The following CRYM variants were observed in gnomAD, a reference collection of about 807,000 sequenced individuals.
The protein encoded by CRYM is ketimine reductase mu-crystallin.
A neutral mutation model predicts 32.9 loss-of-function variants in CRYM; 18 were observed. The ratio of observed to expected loss-of-function variants is 0.55; its 90% CI spans 0.38 to 0.81. The LOEUF is 0.81. Among genes scored for constraint, CRYM ranks in the 30% least tolerant of loss-of-function variants. The pLI is 0.00. For missense variants in CRYM, 337 were observed against 393.5 expected, an observed-to-expected ratio of 0.86 and a Z score of 1.21; for synonymous variants, 153 against 152.4, an observed-to-expected ratio of 1.00 and a Z score of -0.03.
At chr16:21,279,677 A>G (rs2093394765), upstream of CRYM, among the ~76,000 whole-genome samples, 1 of 152,242 alleles carries the variant, frequency 6.6e-6, no homozygotes. Context: ...GAGCGAGAGC[A>G]GAGCCTGGGA....
rs377036667 is a variant in CRYM at position 21,296,699 on chromosome 16, C to A, written c.-193+6279G>T. On this transcript the variant is annotated intron_variant, in intron 1 of 9. Transcript: ENST00000219599. ...ATTTTGTAACAAGAAGGTCTTATGC[C>A]AGGAGAGCAAGTCAGATGTTTAAGA... 6.1e-4 allele frequency among the ~76,000 whole-genome samples: 93 copies of A among 152,266 alleles called. 1 individual carries two copies. In the South Asian group the frequency reaches 0.017, roughly 28 times the overall value.
At chr16:21,284,739 A>T (rs1021996884) in intron 1 of CRYM, among the ~76,000 whole-genome samples, 1 of 152,198 alleles carries the variant, frequency 6.6e-6, no homozygotes, top group Non-Finnish European at 1.5e-5. Flanking sequence ...GCTGCAATGA[A>T]CATACAGACG....
intron 1 of CRYM, among the ~76,000 whole-genome samples, chr16:21,301,892 C>T (rs546254859): frequency 4.6e-5 from 7 of 152,314 alleles, no homozygotes; most frequent in African/African-American, 1.4e-4. Context: ...CCTGAGGGTG[C>T]GTGCTAGGGA....
At chr16:21,291,145 T>G (rs955857656) in intron 1 of CRYM, among the ~76,000 whole-genome samples, 1 of 152,228 alleles carries the variant, frequency 6.6e-6, no homozygotes, top group African/African-American at 2.4e-5. Flanking sequence ...TCATTTCATA[T>G]AAAGCATGCT....
chr16:21,270,409 G>A (rs535075010), intron 3 of CRYM, among the ~76,000 whole-genome samples: 3 of 151,896 alleles, frequency 2.0e-5, no homozygotes, highest in Admixed American at 6.6e-5. Flanking sequence ...TCAGCCCCCC[G>A]TGGAGCTGGG....
At chr16:21,301,097 C>G (rs766169644) in intron 1 of CRYM, 1 of 152,364 alleles carries the variant, frequency 6.6e-6, no homozygotes, top group Non-Finnish European at 1.5e-5. Flanking sequence ...TTTTGGGTGG[C>G]CCGCATGAGG....
At chr16:21,296,360 T>C (rs1960788136) in intron 1 of CRYM, among the ~76,000 whole-genome samples, 1 of 152,144 alleles carries the variant, frequency 6.6e-6, no homozygotes, top group African/African-American at 2.4e-5. Flanking sequence ...GAAATATAGA[T>C]GAGAACTTGT....
intron 1 of CRYM, among the ~76,000 whole-genome samples, chr16:21,288,745 A>C (rs1278423847): frequency 6.6e-6 from 1 of 152,148 alleles, no homozygotes; most frequent in Non-Finnish European, 1.5e-5. Flanking sequence ...AATAAATGTG[A>C]AAAAACTAAA....
chr16:21,292,623 A>G (rs1178770203), intron 1 of CRYM, among the ~76,000 whole-genome samples: 1 of 152,184 alleles, frequency 6.6e-6, no homozygotes, highest in Admixed American at 6.5e-5. Context: ...AAAAATATAT[A>G]TTTTCTTAAT....
chr16:21,260,977 A>G (rs1168586249), intron 7 of CRYM: 7 of 523,454 alleles, frequency 1.3e-5, no homozygotes, highest in Non-Finnish European at 2.1e-5. Flanking sequence ...CTAATCCTCA[A>G]TGGTAACAGG....
rs5816151 is a variant in CRYM, at chr16:21,261,447, T to TA, written c.796-110dup. 203,781 of 585,836 alleles carry TA rather than the reference T, an allele frequency of 0.35. 19,850 individuals carry two copies. The highest frequency in any genetic ancestry group is 0.68 in the African/African-American group (32,744 of 47,818). The allele number at this position is 585,836 out of a possible 1,614,324, so 36.3% of individuals were successfully genotyped here. On this transcript the variant is annotated intron_variant, in intron 6 of 7. Transcript: ENST00000572914. ...GAATTGGATAAGAGATAAATTTGAT[T>TA]AAAAAAAAAAAAAAAAAGAGAGAGA... is the stretch of plus-strand genomic sequence containing the variant.
At chr16:21,291,984 T>C (rs1960668643) in intron 1 of CRYM, among the ~76,000 whole-genome samples, 2 of 152,154 alleles carry the variant, frequency 1.3e-5, no homozygotes, top group Admixed American at 1.3e-4. Context: ...CTTTGCCCAA[T>C]ACAGAGTCAC....
intron 4 of CRYM, 134 bp from the exon 5 acceptor site, chr16:21,267,871 C>A: frequency 1.2e-6 from 1 of 830,710 alleles, no homozygotes; most frequent in South Asian, 1.4e-5. Flanking sequence ...ACTCCTAAAT[C>A]ATTCCCCATG....
intron 4 of CRYM, among the ~76,000 whole-genome samples, chr16:21,269,464 A>G (rs980942672): frequency 6.6e-6 from 1 of 152,218 alleles, no homozygotes; most frequent in African/African-American, 2.4e-5. Flanking sequence ...GGATTCTCCT[A>G]AGAAAAACAT....
chr16:21,285,428 T>C (rs549433378), intron 1 of CRYM, among the ~76,000 whole-genome samples: 81 of 152,350 alleles, frequency 5.3e-4, no homozygotes, highest in Non-Finnish European at 1.0e-3. Context: ...ATACTGAGGC[T>C]CGTGGCCCTG....
Position 21,275,576 on chromosome 16 carries a change from T to G in CRYM, c.343A>C (p.Ile115Leu). ...ACTGCAGCTGTTCTCTTTGCAGTTA[T>G]GACATTTCCATCCATGACCTTGGAG... ...TLLAVMDGNV[I>L]TAKRTAAVSA... The change falls in exon 3 of 8, where the codon ATA (isoleucine) becomes CTA (leucine). Residue 115 changes from isoleucine to leucine, a missense_variant. Physicochemically the swap from Ile to Leu is conservative, Grantham distance 5. Coordinates refer to ENST00000572914, the MANE Select transcript of CRYM (RefSeq NM_001376256.1). The G allele has an allele frequency of 6.2e-7, 1 of 1,614,104 alleles. No individual in the cohort carries two copies. Among genetic ancestry groups the G allele is most frequent in the Non-Finnish European group, 8.5e-7 (1 of 1,179,938 alleles).
upstream of CRYM, among the ~76,000 whole-genome samples, chr16:21,282,022 T>C (rs1000590792): frequency 6.6e-6 from 1 of 152,224 alleles, no homozygotes; most frequent in Admixed American, 6.5e-5. Flanking sequence ...TCTCTTCTTA[T>C]AGCTCCCATA....
chr16:21,290,334 T>C (rs1279383135), intron 1 of CRYM, among the ~76,000 whole-genome samples: 1 of 151,886 alleles, frequency 6.6e-6, no homozygotes, highest in Non-Finnish European at 1.5e-5. Flanking sequence ...ACAACCTGGA[T>C]GTGCCACCTT....
chr16:21,280,886 T>C (rs969237150), upstream of CRYM, among the ~76,000 whole-genome samples: 2 of 152,054 alleles, frequency 1.3e-5, no homozygotes, highest in Admixed American at 6.5e-5. Flanking sequence ...GGGCGGATCA[T>C]GTGAGGTCAG....
Sources: allele counts gnomAD v4.1 joint callset (sites outside exome capture counted in the v4.1 genomes callset), GRCh38; gene constraint gnomAD v4.1.1; transcripts MANE v1.5; gene names NCBI Gene and HGNC (gene_info 2026-07-23, HGNC 2026-07-21).